ITPR2: variants seen among roughly 807,000 people sequenced by gnomAD.
ITPR2 encodes the protein inositol 1,4,5-trisphosphate receptor type 2.
ITPR2 carries 207 observed loss-of-function variants against 317.1 expected under a neutral mutation model. The ratio of observed to expected loss-of-function variants is 0.65; its 90% CI spans 0.58 to 0.73. The LOEUF (loss-of-function observed/expected upper bound fraction) is 0.73. Ranked by LOEUF, ITPR2 falls within the 30% of genes least tolerant of loss-of-function variation. ITPR2 has a pLI of 0.00. For missense variants in ITPR2, 2,613 were observed against 3,284.0 expected (o/e 0.80, Z 4.99); for synonymous variants, 1,156 against 1,149.1 (o/e 1.01, Z -0.12).
rs1472161553 is a variant in ITPR2 at position 26,602,632 on chromosome 12, G to A, written c.3537C>T (p.Tyr1179=). The change falls in exon 27 of 57, where the codon TAC becomes TAT. Residue 1179 remains tyrosine (Y), a synonymous_variant. Transcript: ENST00000381340. The part of the protein sequence containing the change: ...PQIDSNKSNN[Y]RIVKEILIRL... Reference sequence around the variant, plus strand: ...ATCTGCCGACCTCCTTTACAATCCGGTAGTTATTGCTCTTGTTGCTGTCAA... The same window carrying A: ...ATCTGCCGACCTCCTTTACAATCCGATAGTTATTGCTCTTGTTGCTGTCAA... 1 of 1,609,734 alleles carries A rather than the reference G, an allele frequency of 6.2e-7. No homozygotes were observed. The highest frequency in any genetic ancestry group is 8.5e-7 in the Non-Finnish European group (1 of 1,176,776).
chr12:26,618,497 T>G (rs1041669838), intron 26 of ITPR2, among the ~76,000 whole-genome samples: 4 of 152,128 alleles, frequency 2.6e-5, no homozygotes, highest in Non-Finnish European at 4.4e-5. Context: ...AGATAATATA[T>G]CAAGTGTACT....
chr12:26,549,835 A>T (rs1298272804), intron 37 of ITPR2, among the ~76,000 whole-genome samples: 1 of 151,958 alleles, frequency 6.6e-6, no homozygotes, highest in Non-Finnish European at 1.5e-5. Flanking sequence ...ATAAAAAATA[A>T]CATGAATATA....
intron 19 of ITPR2, 73 bp downstream of exon 19, chr12:26,656,224 T>C: frequency 6.4e-7 from 1 of 1,560,990 alleles, no homozygotes; most frequent in Non-Finnish European, 8.7e-7. Context: ...ATGTTTCATT[T>C]CAAAACTGTA....
chr12:26,832,858 G>T lies in ITPR2; in HGVS notation c.-77C>A. 1 of 1,169,950 alleles carries T rather than the reference G, an allele frequency of 8.5e-7. No homozygotes were observed. The highest frequency in any genetic ancestry group is 1.3e-6 in the Non-Finnish European group (1 of 797,098). The allele number at this position is 1,169,950 out of a possible 1,614,324, so 72.5% of individuals were successfully genotyped here. On this transcript the variant is annotated 5_prime_UTR_variant, in exon 1 of 57. Coordinates refer to ENST00000381340, the MANE Select transcript of ITPR2 (RefSeq NM_002223.4). ...GCCCTCTCTCCAGGGAGCCGCCGCGGCAGAAGCGGATCGGATCGCGGGACT... is the reference window on the plus strand; with the variant it reads ...GCCCTCTCTCCAGGGAGCCGCCGCGTCAGAAGCGGATCGGATCGCGGGACT...
intron 37 of ITPR2, among the ~76,000 whole-genome samples, chr12:26,535,194 T>C (rs1480428655): frequency 6.6e-6 from 1 of 152,180 alleles, no homozygotes; most frequent in African/African-American, 2.4e-5. Flanking sequence ...AATTGAGCAA[T>C]AATTGGAACA....
intron 2 of ITPR2, among the ~76,000 whole-genome samples, chr12:26,772,555 C>CATGTATTATATATATAATA (rs1949888147): frequency 7.7e-6 from 1 of 130,606 alleles, no homozygotes; most frequent in Non-Finnish European, 1.6e-5. Context: ...ATATATAATA[C>CATGTATTATATATATAATA]ATGTATTATA....
chr12:26,453,953 TA>T (rs1202519664), intron 45 of ITPR2, among the ~76,000 whole-genome samples: 3 of 152,222 alleles, frequency 2.0e-5, no homozygotes, highest in Admixed American at 6.5e-5. Context: ...ATTCATCATC[TA>T]GAACAGTGTC....
intron 9 of ITPR2, among the ~76,000 whole-genome samples, chr12:26,697,092 C>T (rs1266178697): frequency 6.6e-6 from 1 of 152,192 alleles, no homozygotes; most frequent in Non-Finnish European, 1.5e-5. Context: ...CTTAGTTAAA[C>T]CCAGGTGTGT....
At chr12:26,391,557 T>TTC (rs1565501236) in intron 54 of ITPR2, among the ~76,000 whole-genome samples, 15 of 56,122 alleles carry the variant, frequency 2.7e-4, no homozygotes, top group African/African-American at 1.1e-3. Context: ...CTTCTTTTCC[T>TTC]TTTTTTTTTT....
chr12:26,538,650 C>T (rs1944169678), intron 37 of ITPR2, among the ~76,000 whole-genome samples: 1 of 151,920 alleles, frequency 6.6e-6, no homozygotes, highest in Non-Finnish European at 1.5e-5. Flanking sequence ...GATCTCAGCT[C>T]ACTGCAACCT....
Position 26,716,189 on chromosome 12 carries a change from T to C in ITPR2, c.579A>G (p.Leu193=), listed in dbSNP as rs560798969. 5 of 1,613,446 alleles carry C rather than the reference T, an allele frequency of 3.1e-6. No individual in the cohort carries two copies. The highest frequency in any genetic ancestry group is 2.2e-5 in the South Asian group (2 of 91,050). Residue 193 remains leucine, a synonymous_variant, in exon 6 of 57, where the codon CTA becomes CTG. Coordinates refer to ENST00000381340, the MANE Select transcript of ITPR2 (RefSeq NM_002223.4). ...VLMPVNAGQP[L]HASNIELLDN... ...CAAGAAGCTCTATGTTGCTGGCATG[T>C]AGTGGCTGCCCTGCATTCACAGGCA...
In ITPR2 at chr12:26,599,262, G is replaced by A; in HGVS notation, c.3885C>T (p.His1295=). Residue 1295 remains histidine, a synonymous_variant, in exon 30 of 57, where the codon CAC becomes CAT. Transcript: ENST00000381340. Reference sequence around the variant, plus strand: ...CATGTGTCTCAATGCAGTGCACAAAGTGTTGTACAACTCTCTCGCTAATTT... The same window carrying A: ...CATGTGTCTCAATGCAGTGCACAAAATGTTGTACAACTCTCTCGCTAATTT... ...CNEISERVVQ[H]FVHCIETHGR... 1 of 1,613,958 alleles carries A rather than the reference G, an allele frequency of 6.2e-7. No homozygotes were observed.
At chr12:26,694,940 A>T (rs1194133373) in intron 10 of ITPR2, among the ~76,000 whole-genome samples, 1 of 152,184 alleles carries the variant, frequency 6.6e-6, no homozygotes, top group East Asian at 1.9e-4. Flanking sequence ...TGAATGAGGT[A>T]CATAAATTCT....
intron 37 of ITPR2, among the ~76,000 whole-genome samples, chr12:26,501,422 C>G (rs1297541333): frequency 6.6e-6 from 1 of 152,176 alleles, no homozygotes; most frequent in Non-Finnish European, 1.5e-5. Flanking sequence ...AGAATATGGT[C>G]AATCTCCTAT....
At position 26,769,027 on chromosome 12, in the gene ITPR2, C is replaced by CACACA. The variant is rs55797555; in HGVS notation, c.163+21129_163+21130insTGTGT. On this transcript the variant is annotated intron_variant, in intron 2 of 56. Coordinates refer to ENST00000381340, the MANE Select transcript of ITPR2 (RefSeq NM_002223.4). ...CACACACACACACACACACACACAC[C>CACACA]CCAATCTCAGCCACATAGTAAAACA... Among the ~76,000 whole-genome samples the CACACA allele has an allele frequency of 2.4e-3, 264 of 112,322 alleles. 4 individuals carry two copies. Among genetic ancestry groups the CACACA allele is most frequent in the Admixed American group, 3.9e-3 (39 of 10,096 alleles). The allele number at this position is 112,322 out of a possible 152,430, so 73.7% of individuals were successfully genotyped here. A position where few individuals can be genotyped will look rare whatever the true frequency, so the allele number is the denominator to read the frequency against.
chr12:26,355,481 C>T (rs565217228), intron 55 of ITPR2, among the ~76,000 whole-genome samples: 2 of 152,264 alleles, frequency 1.3e-5, no homozygotes, highest in South Asian at 4.1e-4. Context: ...GTCCCATTTA[C>T]ATGTGTAAAA....
At chr12:26,383,625 A>G (rs1353770251) in intron 55 of ITPR2, among the ~76,000 whole-genome samples, 3 of 148,488 alleles carry the variant, frequency 2.0e-5, no homozygotes, top group Non-Finnish European at 3.0e-5. Flanking sequence ...CTGGGACTAC[A>G]TGTGCCCACC....
intron 55 of ITPR2, among the ~76,000 whole-genome samples, chr12:26,343,603 T>C (rs1412207121): frequency 6.6e-6 from 1 of 152,236 alleles, no homozygotes; most frequent in East Asian, 1.9e-4. Context: ...GCTAATCTTT[T>C]AGATGAATTG....
intron 26 of ITPR2, among the ~76,000 whole-genome samples, chr12:26,605,129 ATAT>A (rs1343593667): frequency 4.5e-5 from 5 of 111,312 alleles, no homozygotes; most frequent in Admixed American, 1.0e-4. Context: ...AAATAAAAAT[ATAT>A]ATATATATAT....
Sources: gnomAD v4.1 joint callset for allele counts (sites outside exome capture counted in the v4.1 genomes callset) on GRCh38, gnomAD v4.1.1 for gene constraint, MANE v1.5 for transcripts, NCBI Gene and HGNC (gene_info 2026-07-23, HGNC 2026-07-21) for gene names.